The following TMIGD3 variants were observed in gnomAD, a reference collection of about 807,000 sequenced individuals.
The protein encoded by TMIGD3 is AD026 protein (AD026).
Under a neutral mutation model 28.1 loss-of-function variants are expected in TMIGD3, and 21 were observed. The ratio of observed to expected loss-of-function variants is 0.75; its 90% CI spans 0.53 to 1.08. The LOEUF (loss-of-function observed/expected upper bound fraction) is 1.08, where lower values mean the gene tolerates loss of function less well. TMIGD3 is among the 50% of genes least tolerant of loss of function. TMIGD3 has a pLI of 0.00. For synonymous variants in TMIGD3, 151 were observed against 162.1 expected (o/e 0.93, Z 0.52); for missense variants, 416 against 435.6 (o/e 0.96, Z 0.40).
chr1:111,499,533 C>T (rs766410697), intron 1 of TMIGD3: 4 of 1,001,648 alleles, frequency 4.0e-6, no homozygotes, highest in Non-Finnish European at 4.8e-6. Flanking sequence ...ATCTCCTAGG[C>T]ATCCTCCGAG....
chr1:111,557,480 G>A (rs953216543), intron 1 of TMIGD3, among the ~76,000 whole-genome samples: 3 of 151,290 alleles, frequency 2.0e-5, no homozygotes, highest in African/African-American at 7.3e-5. Context: ...AACCCAGGAG[G>A]AGGAGGTTGC....
intron 1 of TMIGD3, among the ~76,000 whole-genome samples, chr1:111,539,087 T>C (rs1294595296): frequency 6.6e-6 from 1 of 152,228 alleles, no homozygotes; most frequent in Non-Finnish European, 1.5e-5. Flanking sequence ...TTTTAACTTC[T>C]TTAAAAAATA....
chr1:111,562,585 G>T (rs1283093479), intron 1 of TMIGD3, among the ~76,000 whole-genome samples: 1 of 152,156 alleles, frequency 6.6e-6, no homozygotes, highest in African/African-American at 2.4e-5. Flanking sequence ...TCCCATACTT[G>T]TGTCCCATAA....
intron 1 of TMIGD3, among the ~76,000 whole-genome samples, chr1:111,513,027 G>A (rs1379446500): frequency 6.6e-6 from 1 of 152,200 alleles, no homozygotes; most frequent in Non-Finnish European, 1.5e-5. Context: ...GGTGGACTTT[G>A]CGAACCCCGG....
At chr1:111,548,094 C>A (rs900224480) in intron 1 of TMIGD3, among the ~76,000 whole-genome samples, 1 of 152,328 alleles carries the variant, frequency 6.6e-6, no homozygotes, top group East Asian at 1.9e-4. Context: ...AATCTCGGCT[C>A]ACTGCAACCT....
intron 1 of TMIGD3, chr1:111,563,759 C>A: frequency 2.1e-6 from 2 of 940,764 alleles, no homozygotes; most frequent in Non-Finnish European, 3.4e-6. Context: ...TGCCCCATAT[C>A]ATGAATAAAT....
intron 1 of TMIGD3, among the ~76,000 whole-genome samples, chr1:111,515,698 G>A (rs949853746): frequency 3.9e-5 from 6 of 152,320 alleles, no homozygotes; most frequent in African/African-American, 7.2e-5. Context: ...CTGTGGCCCC[G>A]ACAACCCCCC....
At chr1:111,524,701 C>G (rs550059862) in intron 1 of TMIGD3, among the ~76,000 whole-genome samples, 2 of 152,032 alleles carry the variant, frequency 1.3e-5, no homozygotes, top group African/African-American at 4.8e-5. Flanking sequence ...CTTGCTGCAA[C>G]CTCCGCCTCC....
intron 1 of TMIGD3, chr1:111,499,770 G>C (rs1655065669): frequency 7.0e-7 from 1 of 1,429,370 alleles, no homozygotes; most frequent in East Asian, 2.5e-5. Context: ...AGGGAAAAAT[G>C]AAGTGGAGGA....
chr1:111,502,126 G>T (rs1655225538), intron 1 of TMIGD3, among the ~76,000 whole-genome samples: 2 of 62,060 alleles, frequency 3.2e-5, no homozygotes, highest in African/African-American at 5.1e-5. Flanking sequence ...AAATATATAG[G>T]ATATATATTT....
intron 1 of TMIGD3, among the ~76,000 whole-genome samples, chr1:111,559,413 C>T (rs1657642079): frequency 6.6e-6 from 1 of 152,148 alleles, no homozygotes; most frequent in South Asian, 2.1e-4. Context: ...CTTTATGAAA[C>T]TTAGTGCCTC....
At chr1:111,509,654 T>C (rs1655626188) in intron 1 of TMIGD3, among the ~76,000 whole-genome samples, 1 of 152,252 alleles carries the variant, frequency 6.6e-6, no homozygotes, top group Non-Finnish European at 1.5e-5. Flanking sequence ...CATGCAAACC[T>C]TACCGCCACA....
At chr1:111,494,869 C>A (rs1215774664) in intron 1 of TMIGD3, among the ~76,000 whole-genome samples, 2 of 152,146 alleles carry the variant, frequency 1.3e-5, no homozygotes, top group Non-Finnish European at 2.9e-5. Context: ...TGATCCTTGA[C>A]AAAACTGACA....
At chr1:111,562,658 G>A (rs923162678) in intron 1 of TMIGD3, among the ~76,000 whole-genome samples, 2 of 152,162 alleles carry the variant, frequency 1.3e-5, no homozygotes, top group Non-Finnish European at 2.9e-5. Flanking sequence ...TAAACCCACT[G>A]CCATGTTTCA....
At chr1:111,498,248 T>C (rs1654981745) in intron 1 of TMIGD3, among the ~76,000 whole-genome samples, 1 of 152,234 alleles carries the variant, frequency 6.6e-6, no homozygotes, top group Non-Finnish European at 1.5e-5. Context: ...CCCACTTTGA[T>C]GTTGTTTAAT....
At chr1:111,486,740 A>C in intron 3 of TMIGD3, 88 bp from the exon 4 acceptor site, 2 of 1,121,914 alleles carry the variant, frequency 1.8e-6, no homozygotes, top group Non-Finnish European at 2.7e-6. Context: ...CTGTCATTCT[A>C]TGTCCAGAGA....
At position 111,545,833 on chromosome 1, in the gene TMIGD3, A is replaced by C. The variant is rs186747814; in HGVS notation, c.107+18013T>G. ...GCTGGGAGTCCAACTTCATTCTTTG[A>C]TATGTAGATATTCAGTTGTCCCAGC... is the stretch of plus-strand genomic sequence containing the variant. On this transcript the variant is annotated intron_variant, in intron 1 of 5. Coordinates refer to the TMIGD3 transcript ENST00000369717. Among the ~76,000 whole-genome samples, 5 of 152,138 alleles carry C rather than the reference A, an allele frequency of 3.3e-5. No individual in the cohort carries two copies. The East Asian group carries it at 9.7e-4, about 29-fold the overall frequency.
intron 1 of TMIGD3, among the ~76,000 whole-genome samples, chr1:111,548,994 A>G (rs968137709): frequency 2.0e-5 from 3 of 152,236 alleles, no homozygotes; most frequent in African/African-American, 4.8e-5. Flanking sequence ...ATTGAAATCC[A>G]TGCATTCTCT....
At chr1:111,507,982 T>C (rs1655568395), upstream of TMIGD3, among the ~76,000 whole-genome samples, 1 of 152,188 alleles carries the variant, frequency 6.6e-6, no homozygotes, top group Admixed American at 6.5e-5. Context: ...ACACGGGCCT[T>C]CTAACCAGGG....
Sources: allele counts gnomAD v4.1 joint callset (sites outside exome capture counted in the v4.1 genomes callset), GRCh38; gene constraint gnomAD v4.1.1; transcripts MANE v1.5; gene names NCBI Gene and HGNC (gene_info 2026-07-23, HGNC 2026-07-21).